MRGPRX2: variants seen among roughly 807,000 people sequenced by gnomAD.
The protein encoded by MRGPRX2 is mas-related G protein-coupled receptor member X2.
For missense variants in MRGPRX2, 389 were observed against 404.5 expected, an observed-to-expected ratio of 0.96 and a Z score of 0.33; for synonymous variants, 183 against 175.6, an observed-to-expected ratio of 1.04 and a Z score of -0.33.
In MRGPRX2 at chr11:19,056,182, G is replaced by GC; in HGVS notation, c.220dup (p.Ala74GlyfsTer19). On this transcript the variant is annotated frameshift_variant, in exon 2 of 2. Coordinates refer to ENST00000329773, the MANE Select transcript of MRGPRX2 (RefSeq NM_054030.4). LOFTEE classifies it low-confidence loss of function (END_TRUNC). Reference sequence around the variant, plus strand: ...CTGGAAGCAGAGGAAGAGGAAGTCGGCCCCGGCCAGGCTGAGGACGTAGAC... The same window carrying GC: ...CTGGAAGCAGAGGAAGAGGAAGTCGGCCCCCGGCCAGGCTGAGGACGTAGAC... 1 of 1,614,196 alleles carries GC rather than the reference G, an allele frequency of 6.2e-7. No individual in the cohort carries two copies. Among genetic ancestry groups the GC allele is most frequent in the Non-Finnish European group, 8.5e-7 (1 of 1,180,004 alleles).
At chr11:19,058,729 C>A (rs918602956) in intron 1 of MRGPRX2, among the ~76,000 whole-genome samples, 10 of 152,132 alleles carry the variant, frequency 6.6e-5, no homozygotes, top group Non-Finnish European at 8.8e-5. Flanking sequence ...CCCGGCCCTG[C>A]ACCTGTATTT....
At chr11:19,058,797 T>G (rs1849642355) in intron 1 of MRGPRX2, among the ~76,000 whole-genome samples, 1 of 152,196 alleles carries the variant, frequency 6.6e-6, no homozygotes, top group Non-Finnish European at 1.5e-5. Context: ...ATTTTTGTTG[T>G]GGTTGTTCAC....
At chr11:19,058,572 C>G (rs1037434893) in intron 1 of MRGPRX2, among the ~76,000 whole-genome samples, 8 of 152,062 alleles carry the variant, frequency 5.3e-5, no homozygotes, top group Non-Finnish European at 7.4e-5. Flanking sequence ...AGGTGCCCAC[C>G]ACCACGACTG....
chr11:19,060,047 A>G (rs1849655339), intron 1 of MRGPRX2, among the ~76,000 whole-genome samples: 1 of 152,198 alleles, frequency 6.6e-6, no homozygotes, highest in African/African-American at 2.4e-5. Flanking sequence ...AGTTACCGCT[A>G]CAGCACATTC....
In MRGPRX2 at chr11:19,056,312, G is replaced by C. The variant is rs145992601; in HGVS notation, c.91C>G (p.Leu31Val). Residue 31 changes from leucine to valine, a missense_variant, in exon 2 of 2, where the codon CTG (leucine) becomes GTG (valine). Coordinates refer to ENST00000329773, the MANE Select transcript of MRGPRX2 (RefSeq NM_054030.4). ...ALLLLCGKET[L>V]IPVFLILFIA... is the part of the protein sequence containing the mutation. Reference sequence around the variant, plus strand: ...AAAAGGATCAGGAAGACCGGGATCAGGGTCTCCTTGCCACAAAGCAGAAGA... The same window carrying C: ...AAAAGGATCAGGAAGACCGGGATCACGGTCTCCTTGCCACAAAGCAGAAGA... 3.0e-4 allele frequency: 477 copies of C among 1,614,198 alleles called. No individual in the cohort carries two copies. In the African/African-American group the frequency reaches 5.9e-3, roughly 20 times the overall value.
rs905916021 is a variant in MRGPRX2, at chr11:19,055,599, T to A, written c.804A>T (p.Ser268=). Residue 268 remains serine, a synonymous_variant, in exon 2 of 2, where the codon TCA becomes TCT. Transcript: ENST00000329773. ...TGGGGTTGGCACTGCTGTTAAGAGA[T>A]GACAGGACAACTGAAACTGGATGAA... The part of the protein sequence containing the change: ...CHIHPVSVVL[S]SLNSSANPII... The A allele has an allele frequency of 6.2e-7, 1 of 1,614,134 alleles. No homozygotes were observed.
chr11:19,055,897 C>A lies in MRGPRX2; in HGVS notation c.506G>T (p.Gly169Val). The change falls in exon 2 of 2, where the codon GGC becomes GTC. Residue 169 changes from glycine to valine, a missense_variant. Coordinates refer to ENST00000329773, the MANE Select transcript of MRGPRX2 (RefSeq NM_054030.4). Reference sequence around the variant, plus strand: ...AGAGTCACCATCACTAAATAAGAAGCCACAGAACTTCCCTTCCAAGATGCT... The same window carrying A: ...AGAGTCACCATCACTAAATAAGAAGACACAGAACTTCCCTTCCAAGATGCT... ...LLSILEGKFC[G>V]FLFSDGDSGW... is the part of the protein sequence containing the mutation. 6.2e-7 allele frequency: 1 copy of A among 1,614,168 alleles called. No individual in the cohort carries two copies. Among genetic ancestry groups the A allele is most frequent in the South Asian group, 1.1e-5 (1 of 91,066 alleles).
intron 1 of MRGPRX2, among the ~76,000 whole-genome samples, chr11:19,057,319 A>G (rs1849628615): frequency 6.6e-6 from 1 of 152,260 alleles, no homozygotes. Flanking sequence ...CCACTGTCAT[A>G]TCTTCAATCC....
rs779414608 is a variant in MRGPRX2 at position 19,055,559 on chromosome 11, C to A, written c.844G>T (p.Val282Leu). 6.2e-7 allele frequency: 1 copy of A among 1,614,080 alleles called. No homozygotes were observed. Residue 282 changes from valine (V) to leucine (L), a missense_variant, in exon 2 of 2, where the codon GTG (valine) becomes TTG (leucine). Physicochemically the swap from Val to Leu is conservative, Grantham distance 32. Transcript: ENST00000329773. ...CGCCACTGCTTCCTAAAAGAGCCCA[C>A]GAAGAAGTAAATGATGGGGTTGGCA... is the stretch of plus-strand genomic sequence containing the variant. ...SSANPIIYFF[V>L]GSFRKQWRLQ...
Position 19,055,410 on chromosome 11 carries a change from C to G in MRGPRX2, c.993G>C (p.Ter331TyrextTer14). ...TGATGGAAGTAGAGGCTGTCCATCT[C>G]TACACCAGACTGCTTCTCGACATCT... ...TPEMSRSSLV[*>Y] Residue 331 changes from the stop codon to tyrosine, a stop_lost, in exon 2 of 2, where the codon TAG becomes TAC. Transcript: ENST00000329773. The G allele has an allele frequency of 1.9e-6, 3 of 1,601,080 alleles. No homozygotes were observed. Among genetic ancestry groups the G allele is most frequent in the Non-Finnish European group, 1.7e-6 (2 of 1,169,690 alleles).
chr11:19,059,267 T>G (rs2133317232), intron 1 of MRGPRX2, among the ~76,000 whole-genome samples: 1 of 152,334 alleles, frequency 6.6e-6, no homozygotes, highest in African/African-American at 2.4e-5. Context: ...CTCTTCTCTC[T>G]GGCTGGAATG....
rs769659585 is a variant in MRGPRX2, at chr11:19,056,025, C to G, written c.378G>C (p.Glu126Asp). The G allele has an allele frequency of 1.2e-6, 2 of 1,614,216 alleles. No individual in the cohort carries two copies. Among genetic ancestry groups the G allele is most frequent in the Non-Finnish European group, 1.7e-6 (2 of 1,180,044 alleles). The part of the protein sequence containing the change: ...GLSMLSTVST[E>D]RCLSVLWPIW... ...TGGGCCACAGGACGGACAGGCAGCG[C>G]TCGGTGCTGACGGTGCTCAGCATGC... Residue 126 changes from glutamate (E) to aspartate (D), a missense_variant, in exon 2 of 2, where the codon GAG becomes GAC. Transcript: ENST00000329773.
At chr11:19,058,262 G>A (rs192641887) in intron 1 of MRGPRX2, among the ~76,000 whole-genome samples, 5 of 152,290 alleles carry the variant, frequency 3.3e-5, no homozygotes, top group Admixed American at 2.0e-4. Context: ...CCATGGGGGT[G>A]CAGAATTGGC....
At position 19,055,499 on chromosome 11, in the gene MRGPRX2, T is replaced by G. The variant is rs375512415; in HGVS notation, c.904A>C (p.Arg302=). The G allele has an allele frequency of 1.9e-6, 3 of 1,614,028 alleles. No homozygotes were observed. In the African/African-American group the frequency reaches 4.0e-5, roughly 22 times the overall value. Residue 302 remains arginine (R), a synonymous_variant, in exon 2 of 2, where the codon AGG becomes CGG. Coordinates refer to ENST00000329773, the MANE Select transcript of MRGPRX2 (RefSeq NM_054030.4). ...QQPILKLALQ[R]ALQDIAEVDH... ...ACCTCAGCAATGTCCTGCAGAGCCC[T>G]CTGGAGAGCCAGCTTGAGGATCGGC... is the stretch of plus-strand genomic sequence containing the variant.
chr11:19,058,255 TG>T (rs1249838415), intron 1 of MRGPRX2, among the ~76,000 whole-genome samples: 8 of 152,088 alleles, frequency 5.3e-5, no homozygotes, highest in Non-Finnish European at 1.2e-4. Context: ...GTGTCCTCCA[TG>T]GGGGTGCAGA....
Position 19,058,366 on chromosome 11 carries a change from C to T in MRGPRX2, c.-25-1939G>A, listed in dbSNP as rs536262042. On this transcript the variant is annotated intron_variant, in intron 1 of 1. Coordinates refer to ENST00000329773, the MANE Select transcript of MRGPRX2 (RefSeq NM_054030.4). ...ATGGAAGAAAACCACTTCTGTTGTC[C>T]TCCCTCAGGGCAGGTTGGCCTTTTT... is the stretch of plus-strand genomic sequence containing the variant. Among the ~76,000 whole-genome samples, 8 of 151,900 alleles carry T rather than the reference C, an allele frequency of 5.3e-5. No individual in the cohort carries two copies. The East Asian group carries it at 1.2e-3, about 22-fold the overall frequency.
intron 1 of MRGPRX2, 63 bp from the exon 2 acceptor site, chr11:19,056,490 T>TTATG: frequency 6.7e-7 from 1 of 1,487,292 alleles, no homozygotes; most frequent in Non-Finnish European, 9.1e-7. Flanking sequence ...GACCAGCCTG[T>TTATG]TATGTGGTAA....
intron 1 of MRGPRX2, among the ~76,000 whole-genome samples, chr11:19,058,617 G>A (rs1001459842): frequency 2.0e-5 from 3 of 151,752 alleles, no homozygotes; most frequent in South Asian, 2.1e-4. Context: ...CAGTAGAGAC[G>A]GGGTTTCACT....
intron 1 of MRGPRX2, among the ~76,000 whole-genome samples, chr11:19,058,693 C>G (rs80349740): frequency 6.6e-6 from 1 of 151,892 alleles, no homozygotes; most frequent in Non-Finnish European, 1.5e-5. Context: ...CCCAAAGTGC[C>G]AGGATTACAG....
Sources: allele counts gnomAD v4.1 joint callset (sites outside exome capture counted in the v4.1 genomes callset), GRCh38; gene constraint gnomAD v4.1.1; transcripts MANE v1.5; gene names NCBI Gene and HGNC (gene_info 2026-07-23, HGNC 2026-07-21).